The following NELL1 variants were observed in gnomAD, a reference collection of about 807,000 sequenced individuals.
NELL1 encodes protein kinase C-binding protein NELL1.
Under a neutral mutation model 107.4 loss-of-function variants are expected in NELL1, and 76 were observed. The observed-to-expected ratio is 0.71, with a 90% confidence interval of 0.59 to 0.86. NELL1 has a LOEUF of 0.86. Ranked by LOEUF, NELL1 falls within the 40% of genes least tolerant of loss-of-function variation. NELL1 has a pLI of 0.00. For missense variants in NELL1, 1,024 were observed against 1,005.5 expected (o/e 1.02, Z -0.25); for synonymous variants, 353 against 341.2 (o/e 1.03, Z -0.38).
intron 11 of NELL1, among the ~76,000 whole-genome samples, chr11:20,951,603 C>T (rs1851069499): frequency 6.6e-6 from 1 of 152,052 alleles, no homozygotes; most frequent in Admixed American, 6.5e-5. Flanking sequence ...ATGAATATAA[C>T]CAAGTAAACA....
chr11:21,530,329 A>G (rs1367575236), intron 15 of NELL1, among the ~76,000 whole-genome samples: 4 of 152,260 alleles, frequency 2.6e-5, no homozygotes, highest in Admixed American at 2.0e-4. Flanking sequence ...TCAAATTGCA[A>G]ATCCAATAGG....
intron 3 of NELL1, among the ~76,000 whole-genome samples, chr11:20,844,003 G>A (rs373083742): frequency 1.7e-4 from 26 of 152,176 alleles, no homozygotes; most frequent in African/African-American, 6.0e-4. Flanking sequence ...GAAAAGATTT[G>A]CCTTCATAAC....
Position 20,783,681 on chromosome 11 carries a change from C to G in NELL1, c.186C>G (p.Asp62Glu). Residue 62 changes from aspartate to glutamate, a missense_variant and splice_region_variant, in exon 3 of 20, where the codon GAC (aspartate) becomes GAG (glutamate). Transcript: ENST00000357134. ...CCTGCTTTTCTTCTTGATTCCTAGA[C>G]ATAGAAAGAGAGATCCATGCAGCTC... is the stretch of plus-strand genomic sequence containing the variant. ...HNASKAFLFQ[D>E]IEREIHAAPH... is the part of the protein sequence containing the mutation. 6.2e-7 allele frequency: 1 copy of G among 1,611,608 alleles called. No homozygotes were observed. Among genetic ancestry groups the G allele is most frequent in the Non-Finnish European group, 8.5e-7 (1 of 1,178,728 alleles).
chr11:21,573,410 G>A lies in NELL1; in HGVS notation c.2382+1G>A. The A allele has an allele frequency of 6.2e-7, 1 of 1,610,124 alleles. No individual in the cohort carries two copies. Among genetic ancestry groups the A allele is most frequent in the Non-Finnish European group, 8.5e-7 (1 of 1,177,688 alleles). On this transcript the variant is annotated splice_donor_variant, in intron 19 of 19. Coordinates refer to ENST00000357134, the MANE Select transcript of NELL1 (RefSeq NM_006157.5). LOFTEE classifies it high-confidence loss of function. Reference sequence around the variant, plus strand: ...TCCCTGCACAACCTGTAAATGCAAGGTAATTGGATGTTCTGCGGATATTGA... The same window carrying A: ...TCCCTGCACAACCTGTAAATGCAAGATAATTGGATGTTCTGCGGATATTGA...
At chr11:20,981,461 T>G (rs1262413441) in intron 12 of NELL1, among the ~76,000 whole-genome samples, 1 of 152,120 alleles carries the variant, frequency 6.6e-6, no homozygotes, top group East Asian at 1.9e-4. Context: ...AGAACATAAA[T>G]TACATATAGG....
At chr11:21,242,063 T>G (rs561994781) in intron 14 of NELL1, among the ~76,000 whole-genome samples, 4 of 152,040 alleles carry the variant, frequency 2.6e-5, no homozygotes, top group Non-Finnish European at 5.9e-5. Context: ...TTTTCAAATT[T>G]TTTTCTCACT....
intron 15 of NELL1, among the ~76,000 whole-genome samples, chr11:21,523,502 C>G (rs1003823717): frequency 2.6e-5 from 4 of 152,162 alleles, no homozygotes; most frequent in Admixed American, 6.5e-5. Flanking sequence ...GCACCAGGCT[C>G]TATTACCTCT....
intron 13 of NELL1, among the ~76,000 whole-genome samples, chr11:21,147,093 G>A (rs187878086): frequency 3.3e-5 from 5 of 152,270 alleles, no homozygotes; most frequent in African/African-American, 7.2e-5. Context: ...GAGAGATTCC[G>A]ATGCATTAGG....
chr11:21,371,801 A>G (rs1371004059), intron 15 of NELL1, among the ~76,000 whole-genome samples: 1 of 152,076 alleles, frequency 6.6e-6, no homozygotes, highest in Non-Finnish European at 1.5e-5. Context: ...TATCCTTACT[A>G]TTACATGACG....
At chr11:21,421,592 C>A (rs970393859) in intron 15 of NELL1, among the ~76,000 whole-genome samples, 2 of 152,062 alleles carry the variant, frequency 1.3e-5, no homozygotes, top group Non-Finnish European at 2.9e-5. Context: ...CACCCCCTCA[C>A]GTCCCCACCC....
chr11:21,061,144 A>G (rs1853732225), intron 12 of NELL1, among the ~76,000 whole-genome samples: 1 of 152,226 alleles, frequency 6.6e-6, no homozygotes, highest in Non-Finnish European at 1.5e-5. Context: ...TTAACCACAG[A>G]TTTAAATCCT....
intron 15 of NELL1, among the ~76,000 whole-genome samples, chr11:21,468,886 T>C (rs990506615): frequency 2.0e-5 from 3 of 152,074 alleles, no homozygotes; most frequent in Admixed American, 6.6e-5. Context: ...AAGGTTCTCC[T>C]GAGGAACTCT....
intron 3 of NELL1, among the ~76,000 whole-genome samples, chr11:20,790,269 C>T (rs902470708): frequency 1.3e-5 from 2 of 152,198 alleles, no homozygotes; most frequent in Non-Finnish European, 2.9e-5. Context: ...TGACTTCAGC[C>T]TCACCTCAGC....
chr11:21,435,989 G>T (rs1853107435), intron 15 of NELL1, among the ~76,000 whole-genome samples: 1 of 151,940 alleles, frequency 6.6e-6, no homozygotes, highest in Non-Finnish European at 1.5e-5. Flanking sequence ...TTTTTTAGGA[G>T]ACTTTTATTA....
intron 15 of NELL1, among the ~76,000 whole-genome samples, chr11:21,383,383 C>A (rs1413339745): frequency 6.6e-6 from 1 of 151,710 alleles, no homozygotes; most frequent in Admixed American, 6.6e-5. Context: ...GAGGGGAGAT[C>A]CTGGAAGATT....
chr11:21,365,892 G>T (rs1851207610), intron 14 of NELL1, among the ~76,000 whole-genome samples: 1 of 152,064 alleles, frequency 6.6e-6, no homozygotes, highest in African/African-American at 2.4e-5. Flanking sequence ...ACTTAATTGT[G>T]TAAAGTTGGG....
chr11:21,280,827 T>A (rs960469275), intron 14 of NELL1, among the ~76,000 whole-genome samples: 2 of 152,202 alleles, frequency 1.3e-5, no homozygotes, highest in African/African-American at 4.8e-5. Context: ...ACAATTTAAG[T>A]TAATAATAAA....
intron 15 of NELL1, among the ~76,000 whole-genome samples, chr11:21,414,340 A>T (rs985114331): frequency 6.6e-6 from 1 of 152,072 alleles, no homozygotes; most frequent in Admixed American, 6.6e-5. Flanking sequence ...TTTTATTCAA[A>T]CATACACACA....
chr11:21,256,115 C>A (rs1378450072), intron 14 of NELL1, among the ~76,000 whole-genome samples: 3 of 151,986 alleles, frequency 2.0e-5, no homozygotes, highest in Admixed American at 6.6e-5. Flanking sequence ...AGCATACCAT[C>A]TGGTCCATAA....
Sources: gnomAD v4.1 joint callset for allele counts (sites outside exome capture counted in the v4.1 genomes callset) on GRCh38, gnomAD v4.1.1 for gene constraint, MANE v1.5 for transcripts, NCBI Gene and HGNC (gene_info 2026-07-23, HGNC 2026-07-21) for gene names.